DPP6: variants seen among roughly 807,000 people sequenced by gnomAD.
DPP6 encodes the protein A-type potassium channel modulatory protein DPP6.
DPP6 carries 69 observed loss-of-function variants against 122.6 expected under a neutral mutation model. That is an observed-to-expected ratio of 0.56 (90% CI 0.46 to 0.69). The LOEUF (loss-of-function observed/expected upper bound fraction) is 0.69. Ranked by LOEUF, DPP6 falls within the 30% of genes least tolerant of loss-of-function variation. DPP6 has a pLI of 0.00. For missense variants in DPP6, 928 were observed against 1,116.9 expected (o/e 0.83, Z 2.41); for synonymous variants, 418 against 433.1 (o/e 0.97, Z 0.43).
chr7:153,904,307 C>G (rs549616783), intron 1 of DPP6, among the ~76,000 whole-genome samples: 62 of 152,198 alleles, frequency 4.1e-4, no homozygotes, highest in Admixed American at 7.2e-4. Context: ...CCGCCTCAGC[C>G]TCCCAAAATG....
rs186738343 is a variant in DPP6 at position 154,372,850 on chromosome 7, A to G, written c.244-73364A>G. Among the ~76,000 whole-genome samples the G allele has an allele frequency of 4.3e-4, 65 of 152,338 alleles. 1 individual carries two copies. The East Asian group carries it at 0.012, about 29-fold the overall frequency. On this transcript the variant is annotated intron_variant, in intron 1 of 25. Transcript: ENST00000377770. ...TTAGAGTGCACCATCCTGGGAATGC[A>G]TGACACATAGGTGTGCTTGGTTACA...
intron 6 of DPP6, among the ~76,000 whole-genome samples, chr7:154,643,345 G>A (rs2130950227): frequency 6.6e-6 from 1 of 151,986 alleles, no homozygotes; most frequent in East Asian, 1.9e-4. Flanking sequence ...AATACTTATT[G>A]AAATACTGTC....
rs1350618398 is a variant in DPP6, at chr7:154,807,010, A to G, written c.1564A>G (p.Asn522Asp). The G allele has an allele frequency of 1.5e-5, 24 of 1,613,750 alleles. No homozygotes were observed. The highest frequency in any genetic ancestry group is 2.0e-5 in the Non-Finnish European group (24 of 1,179,832). Residue 522 changes from asparagine (N) to aspartate (D), a missense_variant, in exon 16 of 26, where the codon AAC becomes GAC. By Grantham distance (23) the Asn-to-Asp change is conservative. Transcript: ENST00000377770. The stretch of plus-strand genomic sequence containing the variant: ...CTCTTCCAGTGCCAACACGGTGGGC[A>G]ACTTCAACAGGCAGTGCCTCTCCTG... ...RQLYSANTVG[N>D]FNRQCLSCDL...
At chr7:154,397,723 G>A (rs1353878309) in intron 1 of DPP6, among the ~76,000 whole-genome samples, 1 of 152,156 alleles carries the variant, frequency 6.6e-6, no homozygotes, top group Non-Finnish European at 1.5e-5. Flanking sequence ...TGCAGCATTT[G>A]GGATGAGTTC....
chr7:153,879,379 GTTTC>G, the DPP6 span, among the ~76,000 whole-genome samples: 7 of 152,020 alleles, frequency 4.6e-5, no homozygotes, highest in African/African-American at 4.8e-5. Context: ...TTATTTATTT[GTTTC>G]TTTCTTTCTT....
intron 16 of DPP6, among the ~76,000 whole-genome samples, chr7:154,816,300 T>C (rs929457825): frequency 1.3e-5 from 2 of 152,300 alleles, no homozygotes; most frequent in Middle Eastern, 3.4e-3. Context: ...ACCACATTCA[T>C]AATAACTTTT....
intron 1 of DPP6, among the ~76,000 whole-genome samples, chr7:154,153,849 A>T (rs1796549494): frequency 6.6e-6 from 1 of 152,024 alleles, no homozygotes; most frequent in Admixed American, 6.6e-5. Flanking sequence ...TAGTTTGCTG[A>T]CTGCCGCCAT....
intron 16 of DPP6, among the ~76,000 whole-genome samples, chr7:154,843,325 A>G (rs1287692101): frequency 1.3e-5 from 2 of 152,182 alleles, no homozygotes; most frequent in African/African-American, 4.8e-5. Flanking sequence ...TATAAATAAC[A>G]GCATATCCTA....
Position 154,299,786 on chromosome 7 carries a change from C to T in DPP6, c.244-146428C>T, listed in dbSNP as rs971299018. ...CTGCACATAGTAGGTCCTGGATAAA[C>T]ACTTGCTGATTAAATGATATTCGAA... On this transcript the variant is annotated intron_variant, in intron 1 of 25. Coordinates refer to ENST00000377770, the MANE Select transcript of DPP6 (RefSeq NM_130797.4). 2.6e-5 allele frequency among the ~76,000 whole-genome samples: 4 copies of T among 152,192 alleles called. No individual in the cohort carries two copies. In the South Asian group the frequency reaches 6.2e-4, roughly 24 times the overall value.
intron 5 of DPP6, among the ~76,000 whole-genome samples, chr7:154,575,182 ATGTG>A (rs1289803016): frequency 1.9e-5 from 1 of 52,548 alleles, no homozygotes; most frequent in Non-Finnish European, 3.6e-5. Context: ...GGGGGGGTAT[ATGTG>A]TGTGGTGTGT....
At chr7:153,966,553 GCTTTTTTTTTTTTTTTTTT>G (rs1416714862) in intron 1 of DPP6, among the ~76,000 whole-genome samples, 3 of 57,604 alleles carry the variant, frequency 5.2e-5, no homozygotes, top group Non-Finnish European at 1.0e-4. Context: ...TCCTGTGTTG[GCTTTTTTTTTTTTTTTTTT>G]TTTTTTTTTT....
At chr7:154,116,998 C>T (rs1033005132) in intron 1 of DPP6, among the ~76,000 whole-genome samples, 5 of 152,140 alleles carry the variant, frequency 3.3e-5, no homozygotes, top group African/African-American at 1.2e-4. Flanking sequence ...GGCCTCTCTT[C>T]TCCAGTCTTT....
intron 12 of DPP6, among the ~76,000 whole-genome samples, chr7:154,797,444 A>G (rs1175468362): frequency 6.6e-6 from 1 of 152,228 alleles, no homozygotes; most frequent in Admixed American, 6.5e-5. Context: ...GAACTGAAAT[A>G]GTATTCCAGT....
the DPP6 span, among the ~76,000 whole-genome samples, chr7:153,796,229 T>G: frequency 9.7e-6 from 1 of 102,978 alleles, no homozygotes; most frequent in Non-Finnish European, 2.1e-5. Context: ...AATGATAGAT[T>G]TTTCCATTTC....
intron 1 of DPP6, among the ~76,000 whole-genome samples, chr7:154,291,100 A>C (rs955138501): frequency 4.6e-5 from 7 of 152,084 alleles, no homozygotes; most frequent in Non-Finnish European, 1.0e-4. Context: ...CCCCTCCAAA[A>C]ACAATCCCAT....
Position 154,739,714 on chromosome 7 carries a change from C to T in DPP6, c.883+11827C>T, listed in dbSNP as rs148007956. Among the ~76,000 whole-genome samples, 50 of 152,292 alleles carry T rather than the reference C, an allele frequency of 3.3e-4. No homozygotes were observed. The Middle Eastern group carries it at 0.02, about 62-fold the overall frequency. ...TGCGAAGGTTCGTAATTGTCACATGCACCTTGCAATAAGGCACCTTGCAAT... is the reference window on the plus strand; with the variant it reads ...TGCGAAGGTTCGTAATTGTCACATGTACCTTGCAATAAGGCACCTTGCAAT... On this transcript the variant is annotated intron_variant, in intron 8 of 25. Transcript: ENST00000377770.
At chr7:154,848,294 A>G (rs978476262) in intron 16 of DPP6, among the ~76,000 whole-genome samples, 3 of 152,098 alleles carry the variant, frequency 2.0e-5, no homozygotes, top group African/African-American at 4.8e-5. Flanking sequence ...CCCCCAGAGC[A>G]TATAAAGGTT....
At chr7:153,833,610 G>T in the DPP6 span, among the ~76,000 whole-genome samples, 1 of 152,144 alleles carries the variant, frequency 6.6e-6, no homozygotes, top group East Asian at 1.9e-4. Context: ...GGTGGAGGTT[G>T]CAGTGAGCTG....
At position 154,892,876 on chromosome 7, in the gene DPP6, C is replaced by T. The variant is rs758525069; in HGVS notation, c.*396C>T. On this transcript the variant is annotated 3_prime_UTR_variant, in exon 26 of 26. Transcript: ENST00000377770. ...CCGCCCACACTAGCCTCTGTGTTCC[C>T]GTTAGGGACATCACACCCTGTCTCA... 4.5e-5 allele frequency: 24 copies of T among 531,018 alleles called. No homozygotes were observed. The highest frequency in any genetic ancestry group is 6.3e-4 in the Middle Eastern group (2 of 3,198). The allele number at this position is 531,018 out of a possible 1,614,324, so 32.9% of individuals were successfully genotyped here.
Sources: gnomAD v4.1 joint callset for allele counts (sites outside exome capture counted in the v4.1 genomes callset) on GRCh38, gnomAD v4.1.1 for gene constraint, MANE v1.5 for transcripts, NCBI Gene and HGNC (gene_info 2026-07-23, HGNC 2026-07-21) for gene names.